MBNL1: variants seen among roughly 807,000 people sequenced by gnomAD.
MBNL1 encodes muscleblind-like protein 1.
MBNL1 carries 8 observed loss-of-function variants against 42.2 expected under a neutral mutation model. That is an observed-to-expected ratio of 0.19 (90% CI 0.11 to 0.34). MBNL1 has a LOEUF of 0.34. Ranked by LOEUF, MBNL1 falls within the 10% of genes least tolerant of loss-of-function variation. The pLI, the probability that MBNL1 is intolerant of heterozygous loss-of-function variation, is 1.00. For synonymous variants in MBNL1, 169 were observed against 173.9 expected (o/e 0.97, Z 0.22); for missense variants, 309 against 495.3 (o/e 0.62, Z 3.57).
At chr3:152,294,357 C>A (rs964480461) in intron 1 of MBNL1, among the ~76,000 whole-genome samples, 8 of 142,848 alleles carry the variant, frequency 5.6e-5, no homozygotes, top group Non-Finnish European at 1.1e-4. Context: ...GATCTCGGCT[C>A]ACTGCAAGCT....
At chr3:152,405,638 A>G (rs1329077497) in intron 2 of MBNL1, among the ~76,000 whole-genome samples, 3 of 152,174 alleles carry the variant, frequency 2.0e-5, no homozygotes, top group Non-Finnish European at 4.4e-5. Flanking sequence ...GTTAGAAGAA[A>G]AATTGGATGC....
chr3:152,268,389 CTGTT>C (rs565956522), upstream of MBNL1: 37 of 204,278 alleles, frequency 1.8e-4, no homozygotes, highest in South Asian at 5.0e-4. Flanking sequence ...GGTTCAAAAA[CTGTT>C]TGGTGCATTT....
intron 1 of MBNL1, among the ~76,000 whole-genome samples, chr3:152,279,074 G>A (rs761456092): frequency 2.0e-5 from 3 of 152,016 alleles, no homozygotes; most frequent in Non-Finnish European, 2.9e-5. Flanking sequence ...CACTCTTTTC[G>A]GAATATGGAG....
intron 2 of MBNL1, among the ~76,000 whole-genome samples, chr3:152,259,510 C>A (rs748828728): frequency 6.6e-6 from 1 of 152,036 alleles, no homozygotes; most frequent in Non-Finnish European, 1.5e-5. Context: ...AAATATTAAT[C>A]CAAAAGCCGA....
intron 1 of MBNL1, among the ~76,000 whole-genome samples, chr3:152,297,254 G>GTTTTTTTT (rs1023006189): frequency 8.9e-5 from 9 of 101,482 alleles, no homozygotes; most frequent in Non-Finnish European, 1.2e-4. Context: ...CTGGACCTTT[G>GTTTTTTTT]TTTTTTTTTT....
At chr3:152,427,444 A>C (rs1319913724) in intron 3 of MBNL1, among the ~76,000 whole-genome samples, 1 of 152,162 alleles carries the variant, frequency 6.6e-6, no homozygotes, top group Non-Finnish European at 1.5e-5. Context: ...GCTAGAAGGC[A>C]GTGGTGCAGT....
intron 2 of MBNL1, among the ~76,000 whole-genome samples, chr3:152,386,801 A>G (rs1444472481): frequency 6.6e-6 from 1 of 152,138 alleles, no homozygotes; most frequent in Non-Finnish European, 1.5e-5. Context: ...CTTTTAGGCA[A>G]CATTTTAGAC....
intron 9 of MBNL1, among the ~76,000 whole-genome samples, chr3:152,461,643 C>G (rs779118865): frequency 3.9e-5 from 6 of 152,144 alleles, no homozygotes; most frequent in Non-Finnish European, 5.9e-5. Context: ...AACATTTAAA[C>G]TGGTTTTTGA....
intron 2 of MBNL1, among the ~76,000 whole-genome samples, chr3:152,259,813 GA>G (rs1178947592): frequency 2.0e-5 from 3 of 152,174 alleles, no homozygotes; most frequent in African/African-American, 7.2e-5. Context: ...CAAATACTGT[GA>G]AGACTTTCAA....
chr3:152,271,883 G>A (rs958890299), intron 1 of MBNL1, among the ~76,000 whole-genome samples: 2 of 152,092 alleles, frequency 1.3e-5, no homozygotes, highest in African/African-American at 2.4e-5. Flanking sequence ...TCCAGATTGA[G>A]AAGTGTAAAA....
intron 2 of MBNL1, among the ~76,000 whole-genome samples, chr3:152,407,209 CTTTTTTTTTTT>C (rs60509782): frequency 2.4e-4 from 13 of 54,360 alleles, no homozygotes; most frequent in South Asian, 5.1e-4. Flanking sequence ...GAAATATGTT[CTTTTTTTTTTT>C]TTTTTTTTTT....
At chr3:152,421,803 C>T (rs1199425737) in intron 3 of MBNL1, among the ~76,000 whole-genome samples, 1 of 152,070 alleles carries the variant, frequency 6.6e-6, no homozygotes, top group Non-Finnish European at 1.5e-5. Flanking sequence ...GAATTTTCAA[C>T]CCAGAATTTC....
intron 2 of MBNL1, among the ~76,000 whole-genome samples, chr3:152,359,737 C>T (rs981017124): frequency 1.3e-5 from 2 of 152,156 alleles, no homozygotes; most frequent in African/African-American, 2.4e-5. Flanking sequence ...GTGATTGCTA[C>T]ATGTGAGCAT....
At chr3:152,385,569 T>C (rs2097375527) in intron 2 of MBNL1, among the ~76,000 whole-genome samples, 1 of 152,062 alleles carries the variant, frequency 6.6e-6, no homozygotes. Context: ...ACATGTTGGG[T>C]AACTCTACCC....
intron 2 of MBNL1, among the ~76,000 whole-genome samples, chr3:152,252,817 A>G (rs1260723512): frequency 1.3e-5 from 2 of 152,136 alleles, no homozygotes; most frequent in African/African-American, 4.8e-5. Flanking sequence ...TACATAGTCT[A>G]TAAGAGCTAA....
chr3:152,379,113 A>T (rs549789188), intron 2 of MBNL1, among the ~76,000 whole-genome samples: 3 of 152,350 alleles, frequency 2.0e-5, no homozygotes, highest in Admixed American at 2.0e-4. Context: ...TTAACAAATA[A>T]TCTCAAACTA....
At chr3:152,274,772 T>G (rs927966777) in intron 1 of MBNL1, among the ~76,000 whole-genome samples, 1 of 152,152 alleles carries the variant, frequency 6.6e-6, no homozygotes, top group Admixed American at 6.5e-5. Flanking sequence ...TATACTAGAT[T>G]ATTGATAGAT....
At chr3:152,353,731 C>T (rs1157397363) in intron 2 of MBNL1, among the ~76,000 whole-genome samples, 2 of 113,218 alleles carry the variant, frequency 1.8e-5, no homozygotes, top group African/African-American at 7.0e-5. Flanking sequence ...CATTTTAAAA[C>T]ATAGTGCACA....
chr3:152,388,153 G>A (rs2097530149), intron 2 of MBNL1, among the ~76,000 whole-genome samples: 1 of 152,046 alleles, frequency 6.6e-6, no homozygotes, highest in Non-Finnish European at 1.5e-5. Context: ...ACATGTAATC[G>A]ATTGTTTTTG....
Sources: gnomAD v4.1 joint callset for allele counts (sites outside exome capture counted in the v4.1 genomes callset) on GRCh38, gnomAD v4.1.1 for gene constraint, MANE v1.5 for transcripts, NCBI Gene and HGNC (gene_info 2026-07-23, HGNC 2026-07-21) for gene names.